Variants in MAML2 observed in about 807,000 individuals in gnomAD.
MAML2 encodes mastermind-like protein 2.
In MAML2, 22 loss-of-function variants were observed where a neutral mutation model predicts 96.1. That is an observed-to-expected ratio of 0.23 (90% CI 0.16 to 0.33). The LOEUF (loss-of-function observed/expected upper bound fraction) is 0.33. Among genes scored for constraint, MAML2 ranks in the 10% least tolerant of loss-of-function variants. The pLI, the probability that MAML2 is intolerant of heterozygous loss-of-function variation, is 1.00. For missense variants in MAML2, 1,367 were observed against 1,392.4 expected, an observed-to-expected ratio of 0.98 and a Z score of 0.29; for synonymous variants, 561 against 521.3, an observed-to-expected ratio of 1.08 and a Z score of -1.04.
intron 1 of MAML2, among the ~76,000 whole-genome samples, chr11:96,130,325 G>T (rs374910574): frequency 6.6e-6 from 1 of 152,092 alleles, no homozygotes; most frequent in Non-Finnish European, 1.5e-5. Flanking sequence ...ATCATAACAT[G>T]GTTCAGAAAC....
chr11:96,321,735 T>C (rs1323673896), intron 1 of MAML2, among the ~76,000 whole-genome samples: 2 of 152,246 alleles, frequency 1.3e-5, no homozygotes, highest in Non-Finnish European at 2.9e-5. Flanking sequence ...CATTCTGTTC[T>C]GGTCAATCAT....
At chr11:95,984,558 GACTACA>G (rs1857796199) in intron 4 of MAML2, among the ~76,000 whole-genome samples, 1 of 152,198 alleles carries the variant, frequency 6.6e-6, no homozygotes, top group Non-Finnish European at 1.5e-5. Context: ...GAATAGCTGG[GACTACA>G]GGCACGTGCG....
chr11:96,147,181 C>T (rs1591039172), intron 1 of MAML2, among the ~76,000 whole-genome samples: 1 of 152,130 alleles, frequency 6.6e-6, no homozygotes, highest in East Asian at 1.9e-4. Context: ...ATATGCTATA[C>T]AGCTAAACTT....
At chr11:96,062,267 C>T (rs1304299285) in intron 2 of MAML2, among the ~76,000 whole-genome samples, 1 of 152,070 alleles carries the variant, frequency 6.6e-6, no homozygotes, top group Non-Finnish European at 1.5e-5. Context: ...ATTGCCCAGA[C>T]ATTAGGAGAT....
intron 1 of MAML2, among the ~76,000 whole-genome samples, chr11:96,326,437 C>G (rs1565284948): frequency 6.6e-6 from 1 of 151,188 alleles, no homozygotes; most frequent in Non-Finnish European, 1.5e-5. Context: ...AGGTTAAGAC[C>G]TTGGAGTCCA....
intron 1 of MAML2, among the ~76,000 whole-genome samples, chr11:96,140,353 GA>G (rs752364705): frequency 3.9e-5 from 6 of 152,178 alleles, no homozygotes; most frequent in Non-Finnish European, 7.3e-5. Context: ...AATCAGCCCA[GA>G]TAGATGAGAA....
chr11:96,117,116 G>A (rs1451647690), intron 1 of MAML2, among the ~76,000 whole-genome samples: 1 of 152,002 alleles, frequency 6.6e-6, no homozygotes, highest in Non-Finnish European at 1.5e-5. Flanking sequence ...TGAGGGGAGG[G>A]CATCCCAAGG....
chr11:96,306,290 T>C (rs11021529), intron 1 of MAML2, among the ~76,000 whole-genome samples: 4,491 of 152,194 alleles, frequency 0.03, 212 homozygotes, highest in African/African-American at 0.1. Context: ...AAGAGTTCCC[T>C]GGAATGGATC....
intron 1 of MAML2, among the ~76,000 whole-genome samples, chr11:96,335,398 G>T (rs982569447): frequency 6.6e-6 from 1 of 152,206 alleles, no homozygotes; most frequent in Non-Finnish European, 1.5e-5. Context: ...TTTCTTGTTT[G>T]CACTGGAAGG....
intron 1 of MAML2, among the ~76,000 whole-genome samples, chr11:96,173,655 G>C (rs564719389): frequency 1.3e-5 from 2 of 152,200 alleles, no homozygotes; most frequent in Non-Finnish European, 2.9e-5. Flanking sequence ...GCAAGCCACA[G>C]GAGACAGAAT....
intron 1 of MAML2, among the ~76,000 whole-genome samples, chr11:96,181,683 T>C (rs1268206634): frequency 3.3e-5 from 5 of 152,258 alleles, no homozygotes; most frequent in East Asian, 1.9e-4. Context: ...CACTCATCCA[T>C]AGTGGCCTCA....
intron 1 of MAML2, among the ~76,000 whole-genome samples, chr11:96,330,185 G>A (rs1368821966): frequency 6.6e-6 from 1 of 152,206 alleles, no homozygotes; most frequent in East Asian, 1.9e-4. Context: ...AGTGATCTGA[G>A]GAAGCCTAGG....
At chr11:96,069,143 G>C (rs185760906) in intron 2 of MAML2, among the ~76,000 whole-genome samples, 1 of 152,012 alleles carries the variant, frequency 6.6e-6, no homozygotes, top group Non-Finnish European at 1.5e-5. Context: ...GTGCAGGCTG[G>C]TCTGTAACTT....
intron 1 of MAML2, among the ~76,000 whole-genome samples, chr11:96,327,232 T>C (rs1299429614): frequency 2.0e-5 from 3 of 151,988 alleles, no homozygotes; most frequent in Non-Finnish European, 4.4e-5. Context: ...GATGGGGAAA[T>C]AAAGAAGCAA....
intron 1 of MAML2, among the ~76,000 whole-genome samples, chr11:96,135,535 C>T (rs1186388993): frequency 8.1e-6 from 1 of 123,548 alleles, no homozygotes; most frequent in Non-Finnish European, 1.7e-5. Flanking sequence ...AGAGAGGTCC[C>T]AATCCAAGGC....
At chr11:96,237,440 G>A (rs1862380124) in intron 1 of MAML2, among the ~76,000 whole-genome samples, 1 of 152,166 alleles carries the variant, frequency 6.6e-6, no homozygotes, top group Non-Finnish European at 1.5e-5. Flanking sequence ...CTAATAGCCT[G>A]TACCACATAA....
chr11:96,069,795 C>T (rs1055810339), intron 2 of MAML2, among the ~76,000 whole-genome samples: 14 of 152,038 alleles, frequency 9.2e-5, no homozygotes, highest in Non-Finnish European at 1.8e-4. Context: ...GAGGCCGAGG[C>T]GGGCGGATCA....
chr11:96,111,397 T>C (rs1262944728), intron 1 of MAML2, among the ~76,000 whole-genome samples: 2 of 152,220 alleles, frequency 1.3e-5, no homozygotes, highest in Non-Finnish European at 2.9e-5. Flanking sequence ...ATGCAATTTA[T>C]CTTTGCGCGC....
chr11:96,274,582 A>G (rs1862961021), intron 1 of MAML2, among the ~76,000 whole-genome samples: 1 of 152,076 alleles, frequency 6.6e-6, no homozygotes, highest in Non-Finnish European at 1.5e-5. Flanking sequence ...CAGAAATATT[A>G]AATTAGGTAT....
Sources: allele counts gnomAD v4.1 joint callset (sites outside exome capture counted in the v4.1 genomes callset), GRCh38; gene constraint gnomAD v4.1.1; transcripts MANE v1.5; gene names NCBI Gene and HGNC (gene_info 2026-07-23, HGNC 2026-07-21).